TPM2: variants seen among roughly 807,000 people sequenced by gnomAD.
The protein encoded by TPM2 is tropomyosin 2, also known as tropomyosin beta chain.
A neutral mutation model predicts 41.0 loss-of-function variants in TPM2; 26 were observed. The observed-to-expected ratio is 0.63, with a 90% CI of 0.46 to 0.88. The LOEUF is 0.88. Among genes scored for constraint, TPM2 ranks in the 40% least tolerant of loss-of-function variants. The pLI, the probability that TPM2 is intolerant of heterozygous loss-of-function variation, is 0.00. For synonymous variants in TPM2, 143 were observed against 139.3 expected (o/e 1.03, Z -0.19); for missense variants, 187 against 355.2 (o/e 0.53, Z 3.81).
downstream of TPM2, chr9:35,682,006 C>A: frequency 6.7e-7 from 1 of 1,489,208 alleles, no homozygotes; most frequent in African/African-American, 1.4e-5. Context: ...GATTAAAGGG[C>A]CTTGAGAGGC....
chr9:35,689,577 A>G, intron 1 of TPM2, 127 bp downstream of exon 1: 1 of 1,542,834 alleles, frequency 6.5e-7, no homozygotes, highest in Non-Finnish European at 8.8e-7. Context: ...GGTACTGCGA[A>G]GGCCCAGCCC....
intron 2 of TPM2, among the ~76,000 whole-genome samples, chr9:35,687,694 G>A (rs1825001010): frequency 6.6e-6 from 1 of 152,028 alleles, no homozygotes; most frequent in Non-Finnish European, 1.5e-5. Context: ...GGGTTGGGAA[G>A]AATCACTGTG....
chr9:35,686,913 C>A (rs1459311004), intron 2 of TPM2, among the ~76,000 whole-genome samples: 1 of 152,178 alleles, frequency 6.6e-6, no homozygotes, highest in African/African-American at 2.4e-5. Flanking sequence ...AAGGGCAGAG[C>A]AAGGCGAGCG....
chr9:35,683,292 G>A, intron 8 of TPM2, 51 bp from the exon 9 acceptor site: 1 of 1,493,892 alleles, frequency 6.7e-7, no homozygotes. Context: ...AAAGGGAGTG[G>A]AGGGAAAGAG....
chr9:35,687,768 T>C (rs889869359), intron 2 of TPM2, among the ~76,000 whole-genome samples: 2 of 118,980 alleles, frequency 1.7e-5, no homozygotes, highest in African/African-American at 6.2e-5. Context: ...TGCATGATGG[T>C]GGGGTGACAA....
chr9:35,682,531 T>C, downstream of TPM2: 1 of 1,252,064 alleles, frequency 8.0e-7, no homozygotes, highest in Non-Finnish European at 1.0e-6. Flanking sequence ...GACCTGCTGC[T>C]GCAGTGAAAG....
At chr9:35,683,335 ACAGAAT>A in intron 8 of TPM2, 94 bp from the exon 9 acceptor site, 1 of 1,249,054 alleles carries the variant, frequency 8.0e-7, no homozygotes, top group Non-Finnish European at 1.1e-6. Context: ...GGAAAGAAAA[ACAGAAT>A]CAGAGGTACA....
At chr9:35,689,491 C>T in intron 1 of TPM2, 1 of 870,742 alleles carries the variant, frequency 1.1e-6, no homozygotes, top group Non-Finnish European at 1.4e-6. Flanking sequence ...TCTGCAAAGG[C>T]AGAGTGGAAA....
Position 35,689,287 on chromosome 9 carries a change from C to G in TPM2, c.115-16G>C. The G allele has an allele frequency of 6.2e-7, 1 of 1,614,046 alleles. No homozygotes were observed. Among genetic ancestry groups the G allele is most frequent in the Non-Finnish European group, 8.5e-7 (1 of 1,179,980 alleles). On this transcript the variant is annotated splice_polypyrimidine_tract_variant and intron_variant, in intron 1 of 8. Transcript: ENST00000645482. ...CCTCCTCCAGCTGGGACAGAGGGGA[C>G]TTGGTCAGCCAGGCTGGGAGGGGGC... is the stretch of plus-strand genomic sequence containing the variant.
At position 35,683,164 on chromosome 9, in the gene TPM2, G is replaced by A. The variant is rs1824671992; in HGVS notation, c.850C>T (p.Leu284Phe). 1 of 1,554,640 alleles carries A rather than the reference G, an allele frequency of 6.4e-7. No individual in the cohort carries two copies. ...LDNALNDITS[L>F] ...TGGCCACGCTGGCGTGGGGCTCAGA[G>A]GGAGGTGATGTCATTGAGTGCGTTG... Residue 284 changes from leucine to phenylalanine, a missense_variant, in exon 9 of 9, where the codon CTC becomes TTC. Physicochemically the swap from Leu to Phe is conservative, Grantham distance 22 (BLOSUM62 0). Coordinates refer to ENST00000645482, the MANE Select transcript of TPM2 (RefSeq NM_003289.4).
In TPM2 at chr9:35,684,830, G is replaced by GT. The variant is rs753942355; in HGVS notation, c.564-24_564-23insA. ...TTACTGCAGGGGGTGTGTGGCGGGGGGGGCAGGGTGTGAGGGCACAGCGAA... is the reference window on the plus strand; with the variant it reads ...TTACTGCAGGGGGTGTGTGGCGGGGGTGGGCAGGGTGTGAGGGCACAGCGAA... On this transcript the variant is annotated intron_variant, in intron 5 of 8. Coordinates refer to ENST00000645482, the MANE Select transcript of TPM2 (RefSeq NM_003289.4). 4 of 1,613,614 alleles carry GT rather than the reference G, an allele frequency of 2.5e-6. No individual in the cohort carries two copies. The African/African-American group carries it at 4.0e-5, about 16-fold the overall frequency.
intron 8 of TPM2, among the ~76,000 whole-genome samples, chr9:35,683,660 A>T (rs1457916045): frequency 6.6e-6 from 1 of 152,256 alleles, no homozygotes; most frequent in Non-Finnish European, 1.5e-5. Flanking sequence ...GTTATCACAG[A>T]ATAAAAAGGA....
chr9:35,688,267 C>G (rs1825052071), intron 2 of TPM2, among the ~76,000 whole-genome samples: 1 of 152,194 alleles, frequency 6.6e-6, no homozygotes, highest in African/African-American at 2.4e-5. Context: ...GGAACATGAG[C>G]AGTCGACACA....
chr9:35,686,161 A>G (rs1453939937), intron 2 of TPM2, among the ~76,000 whole-genome samples: 1 of 152,012 alleles, frequency 6.6e-6, no homozygotes, highest in African/African-American at 2.4e-5. Flanking sequence ...GAGGCACAAG[A>G]ATCACTTGAA....
At chr9:35,687,870 G>T (rs1032615060) in intron 2 of TPM2, among the ~76,000 whole-genome samples, 1 of 152,084 alleles carries the variant, frequency 6.6e-6, no homozygotes, top group African/African-American at 2.4e-5. Context: ...CAGTTACGGG[G>T]GCGGCTCTCT....
Position 35,684,739 on chromosome 9 carries a change from G to T in TPM2, c.632C>A (p.Ala211Glu), listed in dbSNP as rs778874374. The change falls in exon 6 of 9, where the codon GCG becomes GAG. Residue 211 changes from alanine (A) to glutamate (E), a missense_variant. Ala to Glu is a moderately radical substitution (Grantham distance 107). Coordinates refer to ENST00000645482, the MANE Select transcript of TPM2 (RefSeq NM_003289.4). ...TNNLKSLEAQ[A>E]DKYSTKEDKY... ...CCCTCTGCTCCCCTCTACCTTGTCC[G>T]CCTGGGCCTCCAGGGATTTCAAGTT... 6.2e-7 allele frequency: 1 copy of T among 1,613,838 alleles called. No individual in the cohort carries two copies. The highest frequency in any genetic ancestry group is 8.5e-7 in the Non-Finnish European group (1 of 1,180,008).
intron 5 of TPM2, 169 bp from the exon 6 acceptor site, chr9:35,684,976 G>C (rs1464656655): frequency 2.1e-5 from 34 of 1,613,094 alleles, no homozygotes; most frequent in South Asian, 3.3e-5. Context: ...CCCAGCAGCT[G>C]AGAAAGAGCA....
chr9:35,682,391 T>G (rs1587950994), downstream of TPM2: 1 of 1,079,466 alleles, frequency 9.3e-7, no homozygotes, highest in African/African-American at 1.6e-5. Flanking sequence ...AGAGGTGGGG[T>G]GGGGAGGGCT....
chr9:35,689,352 A>G, intron 1 of TPM2, 81 bp from the exon 2 acceptor site: 2 of 1,586,952 alleles, frequency 1.3e-6, no homozygotes, highest in Middle Eastern at 1.8e-4. Context: ...TAGGGGCGCT[A>G]CTAAGATTTG....
Sources: allele counts gnomAD v4.1 joint callset (sites outside exome capture counted in the v4.1 genomes callset), GRCh38; gene constraint gnomAD v4.1.1; transcripts MANE v1.5; gene names NCBI Gene and HGNC (gene_info 2026-07-23, HGNC 2026-07-21).